WDR11: variants seen among roughly 807,000 people sequenced by gnomAD.
WDR11 encodes WD repeat-containing protein 11.
A neutral mutation model predicts 151.2 loss-of-function variants in WDR11; 83 were observed. That is an observed-to-expected ratio of 0.55 (90% CI 0.46 to 0.66). WDR11 has a LOEUF of 0.66. Among genes scored for constraint, WDR11 ranks in the 30% least tolerant of loss-of-function variants. The pLI is 0.00. For missense variants in WDR11, 1,301 were observed against 1,480.9 expected (o/e 0.88, Z 1.99); for synonymous variants, 484 against 533.1 (o/e 0.91, Z 1.27).
In WDR11 at chr10:120,855,559, C is replaced by G. The variant is rs190246273; in HGVS notation, c.198+2924C>G. Among the ~76,000 whole-genome samples, 477 of 151,766 alleles carry G rather than the reference C, an allele frequency of 3.1e-3. 2 individuals carry two copies. Among genetic ancestry groups the G allele is most frequent in the African/African-American group, 0.011 (458 of 41,402 alleles). On this transcript the variant is annotated intron_variant, in intron 2 of 28. Coordinates refer to ENST00000263461, the MANE Select transcript of WDR11 (RefSeq NM_018117.12). ...GTTGCTTGTACTTTTTGTGCCATAT[C>G]CAAGAAACCATTGCTTTCTCCAATA... is the stretch of plus-strand genomic sequence containing the variant.
intron 2 of WDR11, among the ~76,000 whole-genome samples, chr10:120,853,292 A>G (rs1368731940): frequency 2.0e-5 from 3 of 151,374 alleles, no homozygotes; most frequent in Non-Finnish European, 4.4e-5. Flanking sequence ...TTTAGACAGA[A>G]TCTCACTCTG....
intron 5 of WDR11, among the ~76,000 whole-genome samples, chr10:120,864,746 C>T (rs1846256600): frequency 6.6e-6 from 1 of 152,046 alleles, no homozygotes; most frequent in Non-Finnish European, 1.5e-5. Flanking sequence ...TGCATGCCAG[C>T]TATTATTATA....
At chr10:120,905,782 AT>A (rs1848015343) in intron 26 of WDR11, 93 bp from the exon 27 acceptor site, 1 of 1,608,370 alleles carries the variant, frequency 6.2e-7, no homozygotes. Flanking sequence ...CATAGCCTGT[AT>A]TTCATAGAAA....
intron 15 of WDR11, 85 bp from the exon 16 acceptor site, chr10:120,886,604 C>G: frequency 6.5e-7 from 1 of 1,546,720 alleles, no homozygotes; most frequent in Non-Finnish European, 8.8e-7. Flanking sequence ...CTTAATGCGT[C>G]TGTACTTTGG....
Position 120,866,775 on chromosome 10 carries a change from C to T in WDR11, c.1190+11C>T. On this transcript the variant is annotated intron_variant, in intron 8 of 28. Transcript: ENST00000263461. ...AAATTCACGGAACAGGTAAATGAAT[C>T]AACAGGATCATGGTTTTGTTTTTTG... The T allele has an allele frequency of 6.2e-7, 1 of 1,613,974 alleles. No homozygotes were observed. The highest frequency in any genetic ancestry group is 1.6e-4 in the Middle Eastern group (1 of 6,062).
In WDR11 at chr10:120,904,150, A is replaced by G. The variant is rs759015529; in HGVS notation, c.3027+8A>G. The G allele has an allele frequency of 6.3e-6, 10 of 1,588,546 alleles. No homozygotes were observed. The highest frequency in any genetic ancestry group is 8.6e-6 in the Non-Finnish European group (10 of 1,156,980). ...CTACTGCTCTTGGGTCAAGTATGTCAGTTTTTATAACTCTACATGCTTCAT... is the reference window on the plus strand; with the variant it reads ...CTACTGCTCTTGGGTCAAGTATGTCGGTTTTTATAACTCTACATGCTTCAT... On this transcript the variant is annotated splice_region_variant and intron_variant, in intron 24 of 28. Coordinates refer to ENST00000263461, the MANE Select transcript of WDR11 (RefSeq NM_018117.12).
chr10:120,892,990 T>A (rs1019202889), intron 19 of WDR11, among the ~76,000 whole-genome samples: 2 of 151,978 alleles, frequency 1.3e-5, no homozygotes, highest in African/African-American at 4.8e-5. Context: ...TCAACCTAAT[T>A]TCCTCCCCAG....
rs1165346288 is a variant in WDR11 at position 120,851,970 on chromosome 10, C to G, written c.86+464C>G. On this transcript the variant is annotated intron_variant, in intron 1 of 28. Transcript: ENST00000263461. ...TGTCCTTTTCACCTCTTTTCGGGCT[C>G]CTCCTGTGTAGAACATTCCTGCCTT... 1.5e-4 allele frequency: 36 copies of G among 237,316 alleles called. 1 individual carries two copies. Among genetic ancestry groups the G allele is most frequent in the Non-Finnish European group, 2.2e-4 (27 of 120,042 alleles). 14.7% of individuals were successfully genotyped at this position (237,316 alleles called of 1,614,324 possible). A position where few individuals can be genotyped will look rare whatever the true frequency, so the allele number is the denominator to read the frequency against.
intron 2 of WDR11, 26 bp from the exon 3 acceptor site, chr10:120,858,617 C>G: frequency 6.2e-7 from 1 of 1,614,012 alleles, no homozygotes; most frequent in Non-Finnish European, 8.5e-7. Context: ...CAAGTATTTA[C>G]TTGATCTGAT....
At chr10:120,899,806 C>A (rs970086563) in intron 19 of WDR11, 9 of 567,920 alleles carry the variant, frequency 1.6e-5, no homozygotes, top group Non-Finnish European at 2.2e-5. Context: ...AATAAAAAAT[C>A]AAAAAAGGGG....
At chr10:120,871,127 A>G (rs372635489) in intron 9 of WDR11, 43 bp from the exon 10 acceptor site, 154 of 1,599,706 alleles carry the variant, frequency 9.6e-5, no homozygotes, top group Non-Finnish European at 1.2e-4. Context: ...TAAGATCAGC[A>G]TACACTGTAG....
chr10:120,868,124 TTTG>T (rs1281291982), intron 9 of WDR11, among the ~76,000 whole-genome samples: 1 of 152,194 alleles, frequency 6.6e-6, no homozygotes, highest in Non-Finnish European at 1.5e-5. Context: ...GGAGGGTTTT[TTTG>T]TTGTTGTTGA....
chr10:120,888,125 T>C (rs563448982), intron 16 of WDR11, among the ~76,000 whole-genome samples: 1 of 152,296 alleles, frequency 6.6e-6, no homozygotes, highest in South Asian at 2.1e-4. Flanking sequence ...TGTTGTACAA[T>C]AAATGCAAAA....
chr10:120,890,242 C>T (rs1036767278), intron 18 of WDR11, among the ~76,000 whole-genome samples: 1 of 151,842 alleles, frequency 6.6e-6, no homozygotes, highest in Non-Finnish European at 1.5e-5. Flanking sequence ...TATGGAGTTT[C>T]ACTCTTGTCG....
At chr10:120,895,091 A>G in intron 19 of WDR11, among the ~76,000 whole-genome samples, 1 of 152,216 alleles carries the variant, frequency 6.6e-6, no homozygotes, top group Non-Finnish European at 1.5e-5. Flanking sequence ...TAAACACTCG[A>G]TGCTGCCTTC....
chr10:120,879,837 C>A (rs948143888), intron 12 of WDR11: 1 of 152,156 alleles, frequency 6.6e-6, no homozygotes, highest in Admixed American at 6.5e-5. Flanking sequence ...AGTATGTTCT[C>A]TCTTTTGTTT....
At chr10:120,903,491 C>T (rs531148097) in intron 23 of WDR11, among the ~76,000 whole-genome samples, 8 of 144,946 alleles carry the variant, frequency 5.5e-5, no homozygotes, top group African/African-American at 2.1e-4. Context: ...GCCTGGGCAA[C>T]AGAGCAAGAC....
chr10:120,899,999 T>G, intron 19 of WDR11, 30 bp from the exon 20 acceptor site: 1 of 1,583,544 alleles, frequency 6.3e-7, no homozygotes, highest in Non-Finnish European at 8.7e-7. Flanking sequence ...AACTTCATTT[T>G]ATTTTTAAAA....
intron 19 of WDR11, among the ~76,000 whole-genome samples, chr10:120,891,170 A>G (rs1394590600): frequency 6.6e-6 from 1 of 152,188 alleles, no homozygotes; most frequent in Non-Finnish European, 1.5e-5. Flanking sequence ...TTATGTTTAT[A>G]AAAATGGCTT....
Sources: allele counts gnomAD v4.1 joint callset (sites outside exome capture counted in the v4.1 genomes callset), GRCh38; gene constraint gnomAD v4.1.1; transcripts MANE v1.5; gene names NCBI Gene and HGNC (gene_info 2026-07-23, HGNC 2026-07-21).